Variants in TSG101 observed in about 807,000 individuals in gnomAD.
The protein encoded by TSG101 is tumor susceptibility 101, also known as tumor susceptibility gene 101 protein.
In TSG101, 19 loss-of-function variants were observed where a neutral mutation model predicts 48.5. That is an observed-to-expected ratio of 0.39 (90% CI 0.27 to 0.58). The LOEUF (loss-of-function observed/expected upper bound fraction) is 0.58. Among genes scored for constraint, TSG101 ranks in the 20% least tolerant of loss-of-function variants. TSG101 has a pLI of 0.55. For missense variants in TSG101, 365 were observed against 484.4 expected, an observed-to-expected ratio of 0.75 and a Z score of 2.31; for synonymous variants, 174 against 169.4, an observed-to-expected ratio of 1.03 and a Z score of -0.21.
intron 4 of TSG101, among the ~76,000 whole-genome samples, chr11:18,510,225 A>T (rs1455582255): frequency 6.6e-6 from 1 of 151,994 alleles, no homozygotes; most frequent in Non-Finnish European, 1.5e-5. Flanking sequence ...GTTTGAGACC[A>T]GCTGGGCCAA....
chr11:18,492,584 T>C (rs1010009348), intron 7 of TSG101, among the ~76,000 whole-genome samples: 1 of 152,140 alleles, frequency 6.6e-6, no homozygotes. Flanking sequence ...GCCAAGACTT[T>C]CCAGCCAAAG....
At chr11:18,499,160 C>T (rs911219415) in intron 7 of TSG101, among the ~76,000 whole-genome samples, 4 of 142,674 alleles carry the variant, frequency 2.8e-5, no homozygotes, top group Non-Finnish European at 6.0e-5. Context: ...ATAGTGGTGG[C>T]AGGAAAAGTG....
chr11:18,501,897 A>C (rs1049199083), intron 7 of TSG101, among the ~76,000 whole-genome samples: 5 of 152,218 alleles, frequency 3.3e-5, no homozygotes, highest in Non-Finnish European at 7.3e-5. Flanking sequence ...GATAAGGTCT[A>C]GTGGAGAAAT....
Position 18,490,205 on chromosome 11 carries a change from T to C in TSG101, c.641-6133A>G, listed in dbSNP as rs145671308. The C allele has an allele frequency of 3.6e-4, 159 of 445,856 alleles. 1 individual carries two copies. The highest frequency in any genetic ancestry group is 1.6e-3 in the Middle Eastern group (2 of 1,282). 27.6% of individuals were successfully genotyped at this position (445,856 alleles called of 1,614,324 possible). ...TATACGTGGAGGGTACAGAGTGACA[T>C]TGAACAGATTACAAAGCACAAGAAA... On this transcript the variant is annotated intron_variant, in intron 7 of 9. Coordinates refer to ENST00000251968, the MANE Select transcript of TSG101 (RefSeq NM_006292.4).
At chr11:18,512,814 G>A (rs1312300777) in intron 4 of TSG101, among the ~76,000 whole-genome samples, 1 of 144,236 alleles carries the variant, frequency 6.9e-6, no homozygotes, top group African/African-American at 2.6e-5. Flanking sequence ...TGCAACCTCC[G>A]CCTCCCAGGT....
At chr11:18,515,897 C>G (rs1850161172) in intron 3 of TSG101, among the ~76,000 whole-genome samples, 1 of 152,104 alleles carries the variant, frequency 6.6e-6, no homozygotes, top group Non-Finnish European at 1.5e-5. Flanking sequence ...CTTATTTGTT[C>G]ATATATCTTG....
intron 7 of TSG101, among the ~76,000 whole-genome samples, chr11:18,497,865 G>GT (rs1481605418): frequency 6.6e-6 from 1 of 152,154 alleles, no homozygotes; most frequent in Non-Finnish European, 1.5e-5. Context: ...AACCTGAATA[G>GT]TGTGTATCAA....
At chr11:18,491,347 C>A (rs773248292) in intron 7 of TSG101, among the ~76,000 whole-genome samples, 24 of 152,158 alleles carry the variant, frequency 1.6e-4, no homozygotes, top group Non-Finnish European at 2.6e-4. Flanking sequence ...TCTGGAGGAG[C>A]TGGAGACTAA....
chr11:18,484,185 G>A (rs78251685), intron 7 of TSG101, 113 bp from the exon 8 acceptor site: 2 of 1,023,448 alleles, frequency 2.0e-6, no homozygotes, highest in Non-Finnish European at 2.9e-6. Context: ...AAAATGTGAG[G>A]AAAGAAAAAA....
At chr11:18,516,240 G>T in intron 2 of TSG101, 76 bp from the exon 3 acceptor site, 1 of 1,343,654 alleles carries the variant, frequency 7.4e-7, no homozygotes, top group South Asian at 1.2e-5. Flanking sequence ...CAGAAAGACT[G>T]GTTAAAATTC....
intron 2 of TSG101, among the ~76,000 whole-genome samples, chr11:18,517,660 G>A (rs1781187375): frequency 6.6e-6 from 1 of 152,178 alleles, no homozygotes; most frequent in African/African-American, 2.4e-5. Context: ...GTAACATCTG[G>A]TATAGGTTGT....
intron 4 of TSG101, among the ~76,000 whole-genome samples, chr11:18,514,225 A>G (rs573072777): frequency 1.3e-5 from 2 of 152,290 alleles, no homozygotes; most frequent in East Asian, 3.9e-4. Context: ...AAGCCTTCCA[A>G]CAGGTGTTGT....
chr11:18,521,437 T>C (rs567222771), intron 1 of TSG101, among the ~76,000 whole-genome samples: 2 of 144,084 alleles, frequency 1.4e-5, no homozygotes, highest in African/African-American at 5.1e-5. Flanking sequence ...GGTATGATCA[T>C]GGCTCACTTC....
At chr11:18,525,792 T>A in intron 1 of TSG101, 1 of 571,126 alleles carries the variant, frequency 1.8e-6, no homozygotes, top group Non-Finnish European at 2.2e-6. Context: ...AAAGCTGTCA[T>A]TTTCTCCTTA....
chr11:18,482,443 A>C (rs1849555155), intron 8 of TSG101, among the ~76,000 whole-genome samples: 1 of 152,206 alleles, frequency 6.6e-6, no homozygotes, highest in Non-Finnish European at 1.5e-5. Context: ...GGGTACATAC[A>C]AATCACTTTC....
chr11:18,481,224 T>A, intron 9 of TSG101: 1 of 937,820 alleles, frequency 1.1e-6, no homozygotes, highest in Non-Finnish European at 1.3e-6. Context: ...TACTTTGATG[T>A]GGGAAAACTG....
At chr11:18,513,093 A>C (rs1466094132) in intron 4 of TSG101, among the ~76,000 whole-genome samples, 1 of 152,024 alleles carries the variant, frequency 6.6e-6, no homozygotes, top group Non-Finnish European at 1.5e-5. Flanking sequence ...GTGTTCTTCC[A>C]GTGGTGCCAA....
intron 7 of TSG101, among the ~76,000 whole-genome samples, chr11:18,499,314 ATATATATT>A (rs1281065417): frequency 9.6e-4 from 117 of 121,402 alleles, no homozygotes; most frequent in Non-Finnish European, 1.5e-3. Context: ...ATATTTATTT[ATATATATT>A]TATATATTTA....
At chr11:18,521,619 C>A (rs1257815166) in intron 1 of TSG101, among the ~76,000 whole-genome samples, 4 of 150,974 alleles carry the variant, frequency 2.6e-5, no homozygotes, top group Non-Finnish European at 5.9e-5. Context: ...CTCAACTCAG[C>A]CTTCCAAAGT....
Sources: allele counts gnomAD v4.1 joint callset (sites outside exome capture counted in the v4.1 genomes callset), GRCh38; gene constraint gnomAD v4.1.1; transcripts MANE v1.5; gene names NCBI Gene and HGNC (gene_info 2026-07-23, HGNC 2026-07-21).